Variants in BACH1 observed in about 807,000 individuals in gnomAD.
BACH1 encodes BTB domain and CNC homolog 1, also known as transcription regulator protein BACH1.
In BACH1, 35 loss-of-function variants were observed where a neutral mutation model predicts 52.9. The ratio of observed to expected loss-of-function variants is 0.66; its 90% CI spans 0.51 to 0.88. The LOEUF is 0.88. Among genes scored for constraint, BACH1 ranks in the 40% least tolerant of loss-of-function variants. BACH1 has a pLI of 0.00. For missense variants in BACH1, 808 were observed against 872.6 expected (o/e 0.93, Z 0.93); for synonymous variants, 321 against 319.6 (o/e 1.00, Z -0.05).
At position 29,327,244 on chromosome 21, in the gene BACH1, A is replaced by G. The variant is rs199802427; in HGVS notation, c.1420A>G (p.Ser474Gly). ...TACTCTGAGTACTGAAGGCTGTTCA[A>G]GCAATTTGGAAATTGGAAACGATGA... ...ISTLSTEGCS[S>G]NLEIGNDDYV... The change falls in exon 3 of 5, where the codon AGC becomes GGC. Residue 474 changes from serine (S) to glycine (G), a missense_variant. Physicochemically the swap from Ser to Gly is moderately conservative, Grantham distance 56. Transcript: ENST00000286800. 3.7e-6 allele frequency: 6 copies of G among 1,614,238 alleles called. No homozygotes were observed. The highest frequency in any genetic ancestry group is 2.2e-5 in the South Asian group (2 of 91,088).
At position 29,344,859 on chromosome 21, in the gene BACH1, G is replaced by A. The variant is rs148004426; in HGVS notation, c.*2026G>A. On this transcript the variant is annotated 3_prime_UTR_variant, in exon 5 of 5. Coordinates refer to ENST00000286800, the MANE Select transcript of BACH1 (RefSeq NM_001186.4). ...CTATTGGTTGTATCAGTTTGTGTATGTGCAAATGTCAAATAATCTTTTGCT... is the reference window on the plus strand; with the variant it reads ...CTATTGGTTGTATCAGTTTGTGTATATGCAAATGTCAAATAATCTTTTGCT... The A allele has an allele frequency of 6.5e-6, 1 of 152,688 alleles. No individual in the cohort carries two copies. The highest frequency in any genetic ancestry group is 1.5e-5 in the Non-Finnish European group (1 of 68,022). The allele number at this position is 152,688 out of a possible 1,614,324, so 9.5% of individuals were successfully genotyped here.
chr21:29,305,396 T>A (rs1183221569), intron 1 of BACH1: 2 of 152,152 alleles, frequency 1.3e-5, no homozygotes, highest in African/African-American at 2.4e-5. Context: ...ATTCAAACTA[T>A]AGGTATTTTT....
At chr21:29,336,962 A>G (rs1271830150) in intron 4 of BACH1, among the ~76,000 whole-genome samples, 1 of 152,108 alleles carries the variant, frequency 6.6e-6, no homozygotes, top group Non-Finnish European at 1.5e-5. Context: ...ATGAGCCACC[A>G]TGCCTGGCCT....
At chr21:29,299,362 C>G (rs1279268609) in intron 1 of BACH1, 1 of 152,234 alleles carries the variant, frequency 6.6e-6, no homozygotes, top group African/African-American at 2.4e-5. Context: ...ACCGCCCTCG[C>G]GGCTGGGGCC....
chr21:29,329,996 G>A (rs1392276919), intron 4 of BACH1, among the ~76,000 whole-genome samples: 2 of 152,036 alleles, frequency 1.3e-5, no homozygotes, highest in Non-Finnish European at 2.9e-5. Flanking sequence ...TATTCCAGGT[G>A]TTCATTTAAA....
rs762149476 is a variant in BACH1, at chr21:29,321,526, A to C, written c.234+12A>C. 2 of 1,605,144 alleles carry C rather than the reference A, an allele frequency of 1.2e-6. No individual in the cohort carries two copies. Among genetic ancestry groups the C allele is most frequent in the African/African-American group, 2.7e-5 (2 of 74,674 alleles). ...CTCTTCCAGAAGAGGTGAGAGATCC[A>C]TGTTTTTGGCAATTTTAATCTACTT... On this transcript the variant is annotated intron_variant, in intron 2 of 4. Coordinates refer to ENST00000286800, the MANE Select transcript of BACH1 (RefSeq NM_001186.4).
At chr21:29,301,504 A>G (rs868252700) in intron 1 of BACH1, among the ~76,000 whole-genome samples, 14 of 152,212 alleles carry the variant, frequency 9.2e-5, no homozygotes, top group Admixed American at 2.6e-4. Flanking sequence ...AGGTAGTTCT[A>G]TTGTCTGTAT....
chr21:29,357,574 G>A (rs1359101488), intron 2 of BACH1, among the ~76,000 whole-genome samples: 2 of 152,140 alleles, frequency 1.3e-5, no homozygotes, highest in African/African-American at 4.8e-5. Context: ...CAGACAGTGA[G>A]ATCCTTTCCT....
At chr21:29,357,445 A>C (rs1363028907) in intron 2 of BACH1, among the ~76,000 whole-genome samples, 1 of 152,192 alleles carries the variant, frequency 6.6e-6, no homozygotes, top group East Asian at 1.9e-4. Context: ...AGGGCCACGC[A>C]TGTACATATT....
chr21:29,299,114 G>A (rs1336556912), intron 1 of BACH1, among the ~76,000 whole-genome samples, 161 bp downstream of exon 1: 2 of 151,036 alleles, frequency 1.3e-5, no homozygotes, highest in East Asian at 1.9e-4. Context: ...CACGTATCGG[G>A]GCCCGCGGGG....
At chr21:29,336,664 T>C (rs1481595389) in intron 4 of BACH1, among the ~76,000 whole-genome samples, 1 of 152,128 alleles carries the variant, frequency 6.6e-6, no homozygotes, top group East Asian at 1.9e-4. Context: ...CTTTCTCTTT[T>C]ATTTTTTTAT....
At chr21:29,311,781 G>T (rs1222717745) in intron 1 of BACH1, among the ~76,000 whole-genome samples, 1 of 152,210 alleles carries the variant, frequency 6.6e-6, no homozygotes, top group East Asian at 1.9e-4. Flanking sequence ...TCTGCACATT[G>T]TAAGTTGTAT....
intron 1 of BACH1, among the ~76,000 whole-genome samples, chr21:29,306,687 C>T (rs1244333123): frequency 3.9e-5 from 6 of 152,110 alleles, no homozygotes; most frequent in Admixed American, 2.6e-4. Context: ...ACATCCTTGT[C>T]TACTAGTTCT....
In BACH1 at chr21:29,343,664, G is replaced by A. The variant is rs2089139950; in HGVS notation, c.*831G>A. ...AGTGGCATGAGTGATTACACTGGCAGCATTATCTCAGGCTCCCTAGAATCT... is the reference window on the plus strand; with the variant it reads ...AGTGGCATGAGTGATTACACTGGCAACATTATCTCAGGCTCCCTAGAATCT... On this transcript the variant is annotated 3_prime_UTR_variant, in exon 5 of 5. Transcript: ENST00000286800. The A allele has an allele frequency of 6.6e-6, 1 of 152,180 alleles. No individual in the cohort carries two copies. Among genetic ancestry groups the A allele is most frequent in the Non-Finnish European group, 1.5e-5 (1 of 68,040 alleles). 9.4% of individuals were successfully genotyped at this position (152,180 alleles called of 1,614,324 possible). A position where few individuals can be genotyped will look rare whatever the true frequency, so the allele number is the denominator to read the frequency against.
At chr21:29,340,462 G>T (rs374367273) in intron 4 of BACH1, among the ~76,000 whole-genome samples, 1 of 152,112 alleles carries the variant, frequency 6.6e-6, no homozygotes, top group East Asian at 1.9e-4. Flanking sequence ...AGTATTTAAA[G>T]ATCATGTGGA....
intron 2 of BACH1, among the ~76,000 whole-genome samples, chr21:29,322,025 G>C (rs2088854216): frequency 6.6e-6 from 1 of 152,170 alleles, no homozygotes; most frequent in Non-Finnish European, 1.5e-5. Context: ...AAAGCAAAGG[G>C]ACTTACGTGG....
chr21:29,329,000 C>T (rs555719431), intron 3 of BACH1, among the ~76,000 whole-genome samples: 36 of 152,212 alleles, frequency 2.4e-4, no homozygotes, highest in Non-Finnish European at 3.8e-4. Flanking sequence ...GTGAATAATG[C>T]GGTAACGAAT....
chr21:29,355,183 TG>T (rs2089226335), intron 2 of BACH1, among the ~76,000 whole-genome samples: 1 of 152,210 alleles, frequency 6.6e-6, no homozygotes, highest in African/African-American at 2.4e-5. Context: ...GAGTGCTGAT[TG>T]GTCTGTTTTT....
intron 1 of BACH1, among the ~76,000 whole-genome samples, chr21:29,318,715 A>G (rs957428169): frequency 6.6e-6 from 1 of 152,200 alleles, no homozygotes; most frequent in Non-Finnish European, 1.5e-5. Flanking sequence ...GTTGACTACT[A>G]GCAGCTCTAG....
Sources: gnomAD v4.1 joint callset for allele counts (sites outside exome capture counted in the v4.1 genomes callset) on GRCh38, gnomAD v4.1.1 for gene constraint, MANE v1.5 for transcripts, NCBI Gene and HGNC (gene_info 2026-07-23, HGNC 2026-07-21) for gene names.